Variants in ESCO1 observed in about 807,000 individuals in gnomAD.
ESCO1 encodes establishment of sister chromatid cohesion N-acetyltransferase 1.
In ESCO1, 33 loss-of-function variants were observed where a neutral mutation model predicts 83.5. The ratio of observed to expected loss-of-function variants is 0.40; its 90% CI spans 0.30 to 0.53. The LOEUF (loss-of-function observed/expected upper bound fraction) is 0.53, where lower values mean the gene tolerates loss of function less well. Ranked by LOEUF, ESCO1 falls within the 20% of genes least tolerant of loss-of-function variation. ESCO1 has a pLI of 0.63. For synonymous variants in ESCO1, 332 were observed against 324.3 expected, an observed-to-expected ratio of 1.02 and a Z score of -0.25; for missense variants, 855 against 968.0, an observed-to-expected ratio of 0.88 and a Z score of 1.55.
chr18:21,549,931 C>A lies in ESCO1; in HGVS notation c.1954-9922G>T, dbSNP rs536175116. ...GCAGTGAGCCAAGATCACGCCACTGCACTCCAGCCTGGGCAACAAAGACTC... is the reference window on the plus strand; with the variant it reads ...GCAGTGAGCCAAGATCACGCCACTGAACTCCAGCCTGGGCAACAAAGACTC... On this transcript the variant is annotated intron_variant, in intron 8 of 11. Transcript: ENST00000269214. 1.2e-3 allele frequency among the ~76,000 whole-genome samples: 183 copies of A among 150,590 alleles called. 2 individuals carry two copies. The highest frequency in any genetic ancestry group is 4.3e-3 in the African/African-American group (177 of 40,930).
chr18:21,548,521 G>A (rs192371395), intron 8 of ESCO1, among the ~76,000 whole-genome samples: 39 of 151,548 alleles, frequency 2.6e-4, no homozygotes, highest in African/African-American at 8.9e-4. Flanking sequence ...AAAAAGGCCA[G>A]GGGGGTGGTG....
At chr18:21,578,707 A>AT (rs1415141308) in intron 2 of ESCO1, among the ~76,000 whole-genome samples, 4 of 151,768 alleles carry the variant, frequency 2.6e-5, no homozygotes, top group Non-Finnish European at 4.4e-5. Flanking sequence ...GAAAAAAAAA[A>AT]TTTTTTTTGA....
chr18:21,532,275 T>G (rs753414672), intron 11 of ESCO1, among the ~76,000 whole-genome samples, 198 bp downstream of exon 11: 12 of 152,210 alleles, frequency 7.9e-5, no homozygotes, highest in Non-Finnish European at 1.5e-4. Flanking sequence ...GTGTTTAGCC[T>G]ATAGTGCTTT....
At chr18:21,541,940 T>C (rs991194117) in intron 8 of ESCO1, among the ~76,000 whole-genome samples, 2 of 152,208 alleles carry the variant, frequency 1.3e-5, no homozygotes, top group East Asian at 1.9e-4. Context: ...TATTGCATTA[T>C]AGACATTAGA....
Position 21,574,532 on chromosome 18 carries a change from C to T in ESCO1, c.312G>A (p.Gln104=), listed in dbSNP as rs754622163. 5.6e-6 allele frequency: 9 copies of T among 1,613,682 alleles called. No individual in the cohort carries two copies. The highest frequency in any genetic ancestry group is 2.5e-6 in the Non-Finnish European group (3 of 1,179,920). ...SQESTKKKLS[Q]KKLVHENPKA... ...TAGGGTTTTCATGTACTAATTTTTT[C>T]TGAGATAATTTCTTTTTTGTAGATT... The change falls in exon 4 of 12, where the codon CAG becomes CAA. Residue 104 remains glutamine (Q), a synonymous_variant. Transcript: ENST00000269214.
chr18:21,536,027 T>A lies in ESCO1; in HGVS notation c.2187+15A>T, dbSNP rs781142646. On this transcript the variant is annotated intron_variant, in intron 10 of 11. Transcript: ENST00000269214. Reference sequence around the variant, plus strand: ...TAAACACCAAATTACTTAAGAACACTCTTTTATCACTTACCCATTGGATAT... The same window carrying A: ...TAAACACCAAATTACTTAAGAACACACTTTTATCACTTACCCATTGGATAT... 6.0e-5 allele frequency: 97 copies of A among 1,611,418 alleles called. No homozygotes were observed. Among genetic ancestry groups the A allele is most frequent in the Non-Finnish European group, 7.9e-5 (93 of 1,179,102 alleles).
intron 2 of ESCO1, among the ~76,000 whole-genome samples, chr18:21,579,794 G>GCGCGCACACACACA (rs1192534759): frequency 5.4e-5 from 2 of 37,126 alleles, no homozygotes; most frequent in East Asian, 7.7e-4. Flanking sequence ...ACGCGCGCGC[G>GCGCGCACACACACA]CACACACACA....
intron 11 of ESCO1, among the ~76,000 whole-genome samples, chr18:21,532,143 T>G (rs1372797442): frequency 6.6e-6 from 1 of 152,188 alleles, no homozygotes; most frequent in Non-Finnish European, 1.5e-5. Context: ...CCAAGGAACT[T>G]TCCACATTTC....
At chr18:21,560,520 A>G (rs1272990869) in intron 8 of ESCO1, among the ~76,000 whole-genome samples, 1 of 152,100 alleles carries the variant, frequency 6.6e-6, no homozygotes, top group Non-Finnish European at 1.5e-5. Context: ...TAAATATTAA[A>G]TAGATTTATC....
At chr18:21,554,448 A>C (rs955502775) in intron 8 of ESCO1, among the ~76,000 whole-genome samples, 12 of 152,152 alleles carry the variant, frequency 7.9e-5, no homozygotes, top group African/African-American at 2.9e-4. Flanking sequence ...ACAGCGCTAA[A>C]AAGAAACGGG....
chr18:21,542,836 T>G (rs1181099478), intron 8 of ESCO1, among the ~76,000 whole-genome samples: 1 of 152,208 alleles, frequency 6.6e-6, no homozygotes, highest in Non-Finnish European at 1.5e-5. Context: ...TCAGAGAAAC[T>G]TAGAGGCGAT....
chr18:21,586,414 G>C (rs1237210734), intron 1 of ESCO1, among the ~76,000 whole-genome samples: 4 of 152,102 alleles, frequency 2.6e-5, no homozygotes, highest in African/African-American at 9.7e-5. Context: ...CCATTCATCT[G>C]CTGATGAACA....
chr18:21,568,170 A>T, intron 4 of ESCO1, 76 bp from the exon 5 acceptor site: 1 of 1,110,044 alleles, frequency 9.0e-7, no homozygotes, highest in East Asian at 2.4e-5. Flanking sequence ...ATTTTAGCAT[A>T]CTAAAAAAAT....
chr18:21,530,377 A>G lies in ESCO1; in HGVS notation c.2489T>C (p.Val830Ala), dbSNP rs1457895869. Reference sequence around the variant, plus strand: ...ATTCTGTCCATTAATAAAATTATATACCAGAAATTGACCAGTGCCACAGTA... The same window carrying G: ...ATTCTGTCCATTAATAAAATTATATGCCAGAAATTGACCAGTGCCACAGTA... Reference protein sequence around the residue: ...TQYCGTGQFLVYNFINGQNST With the variant: ...TQYCGTGQFLAYNFINGQNST Residue 830 changes from valine to alanine, a missense_variant, in exon 12 of 12, where the codon GTA (valine) becomes GCA (alanine). Val to Ala is a moderately conservative substitution (Grantham distance 64, BLOSUM62 0). This residue lies in a region of ESCO1 where 129 missense variants were observed against 268.5 expected (regional missense o/e 0.48). Coordinates refer to ENST00000269214, the MANE Select transcript of ESCO1 (RefSeq NM_052911.3). 6.2e-7 allele frequency: 1 copy of G among 1,605,926 alleles called. No individual in the cohort carries two copies. The highest frequency in any genetic ancestry group is 2.2e-5 in the East Asian group (1 of 44,728).
At chr18:21,566,273 A>G in intron 5 of ESCO1, 67 bp from the exon 6 acceptor site, 3 of 1,420,062 alleles carry the variant, frequency 2.1e-6, no homozygotes, top group Non-Finnish European at 2.9e-6. Context: ...TAATGGATAA[A>G]ATCATTATAC....
intron 6 of ESCO1, 86 bp from the exon 7 acceptor site, chr18:21,564,403 T>G (rs1392979153): frequency 8.2e-6 from 8 of 970,982 alleles, no homozygotes; most frequent in Non-Finnish European, 1.0e-5. Flanking sequence ...TTTTCTTTTT[T>G]TTTTTGAGAC....
At chr18:21,594,578 C>A (rs1206483931) in intron 1 of ESCO1, among the ~76,000 whole-genome samples, 1 of 152,096 alleles carries the variant, frequency 6.6e-6, no homozygotes, top group Non-Finnish European at 1.5e-5. Flanking sequence ...GTGGTGGGCG[C>A]CTGTAGTCCC....
At chr18:21,571,921 TATG>T (rs2038346957) in intron 4 of ESCO1, among the ~76,000 whole-genome samples, 1 of 152,196 alleles carries the variant, frequency 6.6e-6, no homozygotes, top group South Asian at 2.1e-4. Context: ...GAGAGTACAA[TATG>T]GTGTCTTCTC....
chr18:21,581,063 G>A (rs921891431), intron 2 of ESCO1, among the ~76,000 whole-genome samples: 7 of 152,048 alleles, frequency 4.6e-5, no homozygotes, highest in African/African-American at 1.7e-4. Context: ...TGTAATCCCA[G>A]CACTTTGGGA....
Sources: allele counts gnomAD v4.1 joint callset (sites outside exome capture counted in the v4.1 genomes callset), GRCh38; gene constraint gnomAD v4.1.1; regional missense constraint gnomAD v4.1.1; transcripts MANE v1.5; gene names NCBI Gene and HGNC (gene_info 2026-07-23, HGNC 2026-07-21).